IMMP2L: variants seen among roughly 807,000 people sequenced by gnomAD.
IMMP2L encodes inner mitochondrial membrane peptidase subunit 2.
Under a neutral mutation model 19.3 loss-of-function variants are expected in IMMP2L, and 18 were observed. The observed-to-expected ratio is 0.93, with a 90% CI of 0.64 to 1.38. The LOEUF (loss-of-function observed/expected upper bound fraction) is 1.38. Ranked by LOEUF, IMMP2L falls within the 40% of genes most tolerant of loss-of-function variation. The probability of loss-of-function intolerance (pLI) is 0.00; values close to 1 mark genes in which losing one functional copy is unlikely to be tolerated. For synonymous variants in IMMP2L, 76 were observed against 73.0 expected, an observed-to-expected ratio of 1.04 and a Z score of -0.21; for missense variants, 233 against 218.2, an observed-to-expected ratio of 1.07 and a Z score of -0.43.
At chr7:110,785,402 T>C (rs977894623) in intron 5 of IMMP2L, among the ~76,000 whole-genome samples, 3 of 151,982 alleles carry the variant, frequency 2.0e-5, no homozygotes, top group African/African-American at 2.4e-5. Context: ...TCTGGTGACC[T>C]TGAAAATCAG....
At chr7:110,965,635 G>A (rs1213819443) in intron 3 of IMMP2L, among the ~76,000 whole-genome samples, 1 of 151,874 alleles carries the variant, frequency 6.6e-6, no homozygotes, top group African/African-American at 2.4e-5. Context: ...ACTCTCTGCA[G>A]GGTTACTTAT....
At chr7:110,941,642 C>T (rs1484771471) in intron 4 of IMMP2L, among the ~76,000 whole-genome samples, 1 of 152,142 alleles carries the variant, frequency 6.6e-6, no homozygotes, top group Non-Finnish European at 1.5e-5. Flanking sequence ...GTTTTATTTA[C>T]TGCATTCATT....
intron 3 of IMMP2L, among the ~76,000 whole-genome samples, chr7:111,046,905 C>G (rs1002153064): frequency 6.6e-6 from 1 of 152,126 alleles, no homozygotes; most frequent in Non-Finnish European, 1.5e-5. Context: ...CAAGCTAATC[C>G]TCCAAGCACT....
intron 5 of IMMP2L, among the ~76,000 whole-genome samples, chr7:110,816,249 G>C (rs1802504675): frequency 6.6e-6 from 1 of 152,100 alleles, no homozygotes; most frequent in Non-Finnish European, 1.5e-5. Flanking sequence ...GGAGCAGGTT[G>C]TTCAGTTTCC....
intron 3 of IMMP2L, among the ~76,000 whole-genome samples, chr7:111,321,204 T>G (rs904302321): frequency 1.3e-5 from 2 of 151,994 alleles, no homozygotes; most frequent in Non-Finnish European, 2.9e-5. Context: ...TTACCCTTAT[T>G]TGCTCCTACG....
intron 3 of IMMP2L, among the ~76,000 whole-genome samples, chr7:111,268,915 T>A (rs1332407286): frequency 6.6e-6 from 1 of 152,104 alleles, no homozygotes; most frequent in Non-Finnish European, 1.5e-5. Context: ...CAGATTTCTA[T>A]ACAAACTATT....
At chr7:111,259,897 G>A (rs989958197) in intron 3 of IMMP2L, among the ~76,000 whole-genome samples, 1 of 151,766 alleles carries the variant, frequency 6.6e-6, no homozygotes, top group African/African-American at 2.4e-5. Flanking sequence ...AATTAGCCTA[G>A]GCCTGCACAG....
At chr7:111,541,871 T>C (rs1848531153) in intron 1 of IMMP2L, among the ~76,000 whole-genome samples, 1 of 152,106 alleles carries the variant, frequency 6.6e-6, no homozygotes, top group Admixed American at 6.6e-5. Flanking sequence ...AACCAACTGT[T>C]ATCCAAGTAA....
At chr7:110,792,177 G>GTGC (rs369304060) in intron 5 of IMMP2L, among the ~76,000 whole-genome samples, 5 of 151,814 alleles carry the variant, frequency 3.3e-5, no homozygotes, top group African/African-American at 1.2e-4. Flanking sequence ...GGTTTGACAC[G>GTGC]TGCACCCTCT....
rs1791211146 is a variant in IMMP2L at position 110,663,480 on chromosome 7, C to T, written c.*122G>A. 9.0e-6 allele frequency: 7 copies of T among 777,334 alleles called. No individual in the cohort carries two copies. Among genetic ancestry groups the T allele is most frequent in the Non-Finnish European group, 1.5e-5 (7 of 462,896 alleles). The allele number at this position is 777,334 out of a possible 1,614,324, so 48.2% of individuals were successfully genotyped here. On this transcript the variant is annotated 3_prime_UTR_variant, in exon 6 of 6. Coordinates refer to ENST00000405709, the MANE Select transcript of IMMP2L (RefSeq NM_032549.4). ...TAATAATACAGATCGTTTTAATGTG[C>T]TGTAAATATTTCTCGCACAGCATCA...
At chr7:110,819,669 ATT>A (rs1445482439) in intron 5 of IMMP2L, among the ~76,000 whole-genome samples, 1 of 152,062 alleles carries the variant, frequency 6.6e-6, no homozygotes, top group African/African-American at 2.4e-5. Context: ...GGCCCCAATG[ATT>A]TTACTAAGCA....
intron 4 of IMMP2L, among the ~76,000 whole-genome samples, chr7:110,931,552 T>C (rs1157488966): frequency 6.6e-6 from 1 of 152,172 alleles, no homozygotes; most frequent in African/African-American, 2.4e-5. Context: ...CTTGACGTGT[T>C]CTTCAGAGCA....
At chr7:111,263,130 T>C (rs1474255820) in intron 3 of IMMP2L, among the ~76,000 whole-genome samples, 3 of 152,024 alleles carry the variant, frequency 2.0e-5, no homozygotes, top group South Asian at 2.1e-4. Flanking sequence ...CGGGAAAATA[T>C]TGAAGGGTTT....
chr7:111,504,794 T>C (rs1367334211), intron 2 of IMMP2L, among the ~76,000 whole-genome samples: 1 of 152,080 alleles, frequency 6.6e-6, no homozygotes, highest in African/African-American at 2.4e-5. Flanking sequence ...ACTGGATCCC[T>C]TCCTTACACC....
rs572687007 is a variant in IMMP2L, at chr7:111,369,185, G to A, written c.239+118053C>T. ...TTTCAGACCATTTCCCTAAAGGGATGACATTACATATCTTAGAAGATTTAG... is the reference window on the plus strand; with the variant it reads ...TTTCAGACCATTTCCCTAAAGGGATAACATTACATATCTTAGAAGATTTAG... On this transcript the variant is annotated intron_variant, in intron 3 of 5. Coordinates refer to ENST00000405709, the MANE Select transcript of IMMP2L (RefSeq NM_032549.4). Among the ~76,000 whole-genome samples, 4 of 151,952 alleles carry A rather than the reference G, an allele frequency of 2.6e-5. No individual in the cohort carries two copies. The South Asian group carries it at 8.3e-4, about 32-fold the overall frequency.
At chr7:111,124,490 C>A (rs1801045589) in intron 3 of IMMP2L, 1 of 1,613,780 alleles carries the variant, frequency 6.2e-7, no homozygotes, top group East Asian at 2.2e-5. Context: ...CGAATACCAT[C>A]TGATGTCAAG....
rs140205867 is a variant in IMMP2L, at chr7:111,321,929, C to A, written c.239+165309G>T. Among the ~76,000 whole-genome samples the A allele has an allele frequency of 2.1e-3, 323 of 151,942 alleles. 3 individuals are homozygous for A. The highest frequency in any genetic ancestry group is 7.5e-3 in the African/African-American group (312 of 41,506). ...GACTAAGTTATGGACAATGAAACAC[C>A]TTGAGTTATGATACAAATCCTTAAA... On this transcript the variant is annotated intron_variant, in intron 3 of 5. Transcript: ENST00000405709.
chr7:111,211,768 G>A (rs1383011259), intron 3 of IMMP2L, among the ~76,000 whole-genome samples: 1 of 152,180 alleles, frequency 6.6e-6, no homozygotes, highest in East Asian at 1.9e-4. Context: ...CCAACACTTT[G>A]GGAGGCCGAG....
chr7:111,371,478 G>T (rs2131107116), intron 3 of IMMP2L, among the ~76,000 whole-genome samples: 1 of 152,098 alleles, frequency 6.6e-6, no homozygotes. Context: ...GGGGTCACAA[G>T]ATTTTTAAAA....
Sources: gnomAD v4.1 joint callset for allele counts (sites outside exome capture counted in the v4.1 genomes callset) on GRCh38, gnomAD v4.1.1 for gene constraint, MANE v1.5 for transcripts, NCBI Gene and HGNC (gene_info 2026-07-23, HGNC 2026-07-21) for gene names.